Variants in ST3GAL1 observed in about 807,000 individuals in gnomAD.
ST3GAL1 encodes the protein ST3 beta-galactoside alpha-2,3-sialyltransferase 1, also known as CMP-N-acetylneuraminate-beta-galactosamide-alpha-2,3-sialyltransferase 1.
ST3GAL1 carries 16 observed loss-of-function variants against 34.1 expected under a neutral mutation model. The ratio of observed to expected loss-of-function variants is 0.47; its 90% CI spans 0.32 to 0.71. The LOEUF (loss-of-function observed/expected upper bound fraction) is 0.71, where lower values mean the gene tolerates loss of function less well. Among genes scored for constraint, ST3GAL1 ranks in the 30% least tolerant of loss-of-function variants. ST3GAL1 has a pLI of 0.04. For synonymous variants in ST3GAL1, 191 were observed against 184.7 expected (o/e 1.03, Z -0.28); for missense variants, 353 against 447.4 (o/e 0.79, Z 1.90).
intron 2 of ST3GAL1, among the ~76,000 whole-genome samples, chr8:133,528,402 G>A (rs1818039963): frequency 6.6e-6 from 1 of 152,186 alleles, no homozygotes; most frequent in African/African-American, 2.4e-5. Context: ...GTCAGGCACT[G>A]TGCTAGGCAT....
At chr8:133,499,395 G>A (rs1161260561) in intron 2 of ST3GAL1, 6 of 152,172 alleles carry the variant, frequency 3.9e-5, no homozygotes, top group Non-Finnish European at 8.8e-5. Context: ...GGGGACCTAC[G>A]TGCAGAAGCT....
At chr8:133,486,151 TAAAGTCAGG>T (rs1411238580) in intron 3 of ST3GAL1, among the ~76,000 whole-genome samples, 1 of 152,152 alleles carries the variant, frequency 6.6e-6, no homozygotes, top group African/African-American at 2.4e-5. Flanking sequence ...CCGGTAGGTG[TAAAGTCAGG>T]ATTACGGCCA....
At chr8:133,522,287 T>TA (rs1168036653) in intron 2 of ST3GAL1, among the ~76,000 whole-genome samples, 1 of 152,034 alleles carries the variant, frequency 6.6e-6, no homozygotes, top group Admixed American at 6.6e-5. Flanking sequence ...TTTAAAAATC[T>TA]AAAAAAAATT....
rs960117955 is a variant in ST3GAL1, at chr8:133,459,539, T to TC, written c.*224dup. On this transcript the variant is annotated 3_prime_UTR_variant, in exon 10 of 10. Coordinates refer to ENST00000522652, the MANE Select transcript of ST3GAL1 (RefSeq NM_173344.3). The surrounding 1 kb of genome is among the most constrained non-coding windows in gnomAD (Gnocchi z 4.7). ...CTAGGGCAGCAGTGGGGGGACGTTG[T>TC]CCCCACTCAAGACAGGTTCCAAGAC... The TC allele has an allele frequency of 1.4e-5, 6 of 441,746 alleles. No individual in the cohort carries two copies. The highest frequency in any genetic ancestry group is 2.0e-5 in the Non-Finnish European group (5 of 254,622). The allele number at this position is 441,746 out of a possible 1,614,324, so 27.4% of individuals were successfully genotyped here.
intron 2 of ST3GAL1, among the ~76,000 whole-genome samples, chr8:133,509,365 C>T (rs1817439511): frequency 6.6e-6 from 1 of 152,216 alleles, no homozygotes; most frequent in Admixed American, 6.5e-5. Context: ...GGGTCTAGGG[C>T]CAGACAGACG....
intron 1 of ST3GAL1, among the ~76,000 whole-genome samples, chr8:133,555,371 T>G (rs1363083796): frequency 6.6e-6 from 1 of 152,100 alleles, no homozygotes; most frequent in Non-Finnish European, 1.5e-5. Context: ...CCAAGTCACT[T>G]TCCATGTGTC....
rs1233435295 is a variant in ST3GAL1, at chr8:133,467,087, T to TC, written c.307-998dup. Among the ~76,000 whole-genome samples, 1 of 131,484 alleles carries TC rather than the reference T, an allele frequency of 7.6e-6. No homozygotes were observed. Among genetic ancestry groups the TC allele is most frequent in the African/African-American group, 2.9e-5 (1 of 34,172 alleles). The allele number at this position is 131,484 out of a possible 152,430, so 86.3% of individuals were successfully genotyped here. A position where few individuals can be genotyped will look rare whatever the true frequency, so the allele number is the denominator to read the frequency against. On this transcript the variant is annotated intron_variant, in intron 5 of 9. Coordinates refer to ENST00000522652, the MANE Select transcript of ST3GAL1 (RefSeq NM_173344.3). The surrounding 1 kb of genome is among the most constrained non-coding windows in gnomAD (Gnocchi z 4.2). The stretch of plus-strand genomic sequence containing the variant: ...TTCAGCCTGGGTGACAGAGCGAGAC[T>TC]CCAACTCGAAAAAAAAAAAAAAAAG...
At chr8:133,489,108 A>C (rs1385450232) in intron 3 of ST3GAL1, among the ~76,000 whole-genome samples, 1 of 152,130 alleles carries the variant, frequency 6.6e-6, no homozygotes, top group African/African-American at 2.4e-5. Flanking sequence ...TTGTCCCTTC[A>C]GCCCTAGGGT....
chr8:133,569,375 T>C (rs57228648), intron 1 of ST3GAL1, among the ~76,000 whole-genome samples: 12,923 of 152,252 alleles, frequency 0.085, 1,228 homozygotes, highest in African/African-American at 0.24. Context: ...CATACACACA[T>C]GTAGAGTATG....
intron 2 of ST3GAL1, among the ~76,000 whole-genome samples, chr8:133,532,374 C>T (rs1818181100): frequency 2.0e-5 from 3 of 152,024 alleles, no homozygotes; most frequent in South Asian, 2.1e-4. Flanking sequence ...GCAGGAGAAT[C>T]GCTTGTATCT....
chr8:133,569,938 A>C (rs1214255364), intron 1 of ST3GAL1, among the ~76,000 whole-genome samples: 1 of 152,256 alleles, frequency 6.6e-6, no homozygotes, highest in East Asian at 1.9e-4. Flanking sequence ...AGAAGCCTAA[A>C]GGGCTTGGTC....
chr8:133,460,029 C>T, intron 9 of ST3GAL1, 92 bp from the exon 10 acceptor site: 1 of 1,397,066 alleles, frequency 7.2e-7, no homozygotes, highest in South Asian at 1.4e-5. Context: ...TGGAATCCCA[C>T]AGGACCATAA....
At chr8:133,495,468 C>T (rs537133978) in intron 3 of ST3GAL1, among the ~76,000 whole-genome samples, 2 of 152,186 alleles carry the variant, frequency 1.3e-5, no homozygotes, top group African/African-American at 4.8e-5. Flanking sequence ...CACTTAATTT[C>T]GCACTTAAAT....
At chr8:133,542,929 C>T (rs750801211) in intron 2 of ST3GAL1, among the ~76,000 whole-genome samples, 8 of 152,032 alleles carry the variant, frequency 5.3e-5, no homozygotes, top group Non-Finnish European at 8.8e-5. Context: ...AGGCAAGAAT[C>T]ATCAAAAGAT....
At chr8:133,534,866 G>T (rs1010872084) in intron 2 of ST3GAL1, among the ~76,000 whole-genome samples, 1 of 152,212 alleles carries the variant, frequency 6.6e-6, no homozygotes, top group East Asian at 1.9e-4. Context: ...TGAGGGAAAG[G>T]CATGCCTGGC....
At chr8:133,502,376 A>G (rs1489455442) in intron 2 of ST3GAL1, among the ~76,000 whole-genome samples, 1 of 152,014 alleles carries the variant, frequency 6.6e-6, no homozygotes, top group African/African-American at 2.4e-5. Context: ...TAATAAGGTT[A>G]AATGAGGTCA....
chr8:133,540,865 A>ATAGAGACATATATATAGAGACATATATG (rs1818465453), intron 2 of ST3GAL1, among the ~76,000 whole-genome samples: 1 of 122,880 alleles, frequency 8.1e-6, no homozygotes. Context: ...ACATATATAT[A>ATAGAGACATATATATAGAGACATATATG]GAGACATATA....
chr8:133,468,742 G>C (rs1440617123), intron 5 of ST3GAL1, among the ~76,000 whole-genome samples: 1 of 152,192 alleles, frequency 6.6e-6, no homozygotes. Context: ...ACCCCCTGGA[G>C]GCTTGCTAAG....
At chr8:133,485,152 G>A (rs546525748) in intron 3 of ST3GAL1, among the ~76,000 whole-genome samples, 9 of 152,250 alleles carry the variant, frequency 5.9e-5, no homozygotes, top group South Asian at 2.1e-4. Context: ...GTTCCCACTC[G>A]CTGTGTGCTT....
Sources: gnomAD v4.1 joint callset for allele counts (sites outside exome capture counted in the v4.1 genomes callset) on GRCh38, gnomAD v4.1.1 for gene constraint, Gnocchi (gnomAD v3.1) non-coding constraint, MANE v1.5 for transcripts, NCBI Gene and HGNC (gene_info 2026-07-23, HGNC 2026-07-21) for gene names.